SOD2: variants seen among roughly 807,000 people sequenced by gnomAD.
SOD2 encodes superoxide dismutase 2, also known as superoxide dismutase [Mn], mitochondrial.
A neutral mutation model predicts 27.0 loss-of-function variants in SOD2; 11 were observed. That is an observed-to-expected ratio of 0.41 (90% confidence interval 0.26 to 0.67). The LOEUF (loss-of-function observed/expected upper bound fraction) is 0.67. SOD2 is among the 30% of genes least tolerant of loss of function. The probability of loss-of-function intolerance (pLI) is 0.34; values close to 1 mark genes in which losing one functional copy is unlikely to be tolerated. For synonymous variants in SOD2, 105 were observed against 103.0 expected (o/e 1.02, Z -0.12); for missense variants, 250 against 274.5 (o/e 0.91, Z 0.63).
upstream of SOD2, chr6:159,727,694 G>A (rs1347076432): frequency 2.0e-6 from 2 of 984,412 alleles, no homozygotes; most frequent in Non-Finnish European, 2.4e-6. Context: ...CGCGGCTTCT[G>A]CCTGGAGAGG....
At chr6:159,752,422 A>C (rs1232518712) in intron 1 of SOD2, among the ~76,000 whole-genome samples, 2 of 152,230 alleles carry the variant, frequency 1.3e-5, no homozygotes, top group Non-Finnish European at 2.9e-5. Context: ...CTGAGGCTAA[A>C]GAAAAGCAGT....
chr6:159,702,850 GAAAAAAAAAAAA>G (rs35570449), intron 1 of SOD2, among the ~76,000 whole-genome samples: 1 of 30,674 alleles, frequency 3.3e-5, no homozygotes, highest in Middle Eastern at 0.033. Flanking sequence ...ACCCTATCTC[GAAAAAAAAAAAA>G]AAAAAAAAAA....
intron 1 of SOD2, chr6:159,755,170 T>C (rs150344610): frequency 7.4e-5 from 120 of 1,614,062 alleles, no homozygotes; most frequent in Non-Finnish European, 9.7e-5. Context: ...CTGCCCCAAG[T>C]ACCAGCAGGA....
rs5746125 is a variant in SOD2, at chr6:159,685,658, ACAGTTTT to A, written c.344-632_344-626del. 8.5e-3 allele frequency among the ~76,000 whole-genome samples: 1,181 copies of A among 138,538 alleles called. 14 individuals carry two copies. The highest frequency in any genetic ancestry group is 0.03 in the African/African-American group (1,086 of 36,526). The allele number at this position is 138,538 out of a possible 152,430, so 90.9% of individuals were successfully genotyped here. ...ACCCAGGTAGCGAGCTTAGTATACAACAGTTTTCACCCCCCGTCCCCTTCTTTCTCCC... is the reference window on the plus strand; with the variant it reads ...ACCCAGGTAGCGAGCTTAGTATACAACACCCCCCGTCCCCTTCTTTCTCCC... On this transcript the variant is annotated intron_variant, in intron 3 of 4. Transcript: ENST00000538183.
intron 2 of SOD2, 182 bp from the exon 3 acceptor site, chr6:159,688,424 C>G: frequency 1.8e-6 from 1 of 547,332 alleles, no homozygotes. Flanking sequence ...TGCTGAACAA[C>G]TGATGAAGGA....
chr6:159,708,666 A>C (rs1195010052), intron 1 of SOD2, among the ~76,000 whole-genome samples: 2 of 152,232 alleles, frequency 1.3e-5, no homozygotes, highest in Non-Finnish European at 2.9e-5. Context: ...GATGGGAAGA[A>C]TCAATATCGT....
intron 1 of SOD2, chr6:159,736,822 A>G (rs969191651): frequency 1.3e-5 from 2 of 152,256 alleles, no homozygotes; most frequent in Non-Finnish European, 2.9e-5. Context: ...AATTACTCTT[A>G]CATACACACA....
At chr6:159,688,447 G>A in intron 2 of SOD2, 1 of 485,960 alleles carries the variant, frequency 2.1e-6, no homozygotes, top group Non-Finnish European at 3.7e-6. Context: ...TAGCAGAGGT[G>A]GAAAAGCTAG....
chr6:159,681,429 G>C lies in SOD2; in HGVS notation c.*1064C>G, dbSNP rs753661149. ...ACGTCAGATAAGGGGGAACACCAGG[G>C]ACTAAACTCTGACCTCCATTCTTTG... On this transcript the variant is annotated 3_prime_UTR_variant, in exon 5 of 5. Transcript: ENST00000538183. 1 of 152,294 alleles carries C rather than the reference G, an allele frequency of 6.6e-6. No homozygotes were observed. Among genetic ancestry groups the C allele is most frequent in the Non-Finnish European group, 1.5e-5 (1 of 68,146 alleles). 9.4% of individuals were successfully genotyped at this position (152,294 alleles called of 1,614,324 possible). A position where few individuals can be genotyped will look rare whatever the true frequency, so the allele number is the denominator to read the frequency against.
upstream of SOD2, among the ~76,000 whole-genome samples, chr6:159,747,396 T>C (rs939499496): frequency 4.6e-5 from 7 of 152,212 alleles, no homozygotes; most frequent in Non-Finnish European, 8.8e-5. Context: ...AGTTGGGTTA[T>C]TTAATCTCAA....
chr6:159,721,059 TTATTTA>T (rs1293046848), intron 1 of SOD2, among the ~76,000 whole-genome samples: 68 of 150,524 alleles, frequency 4.5e-4, no homozygotes, highest in African/African-American at 1.6e-3. Flanking sequence ...TAATTTTTAT[TTATTTA>T]TATTTTTTAA....
intron 1 of SOD2, among the ~76,000 whole-genome samples, chr6:159,734,525 A>G (rs1452809110): frequency 2.6e-5 from 4 of 152,190 alleles, no homozygotes; most frequent in African/African-American, 9.7e-5. Flanking sequence ...AGAAATAATA[A>G]CTAGGGCTGG....
intron 1 of SOD2, among the ~76,000 whole-genome samples, chr6:159,724,912 GAGGGAGGGAAGA>G (rs368218254): frequency 9.7e-5 from 14 of 143,648 alleles, no homozygotes; most frequent in South Asian, 2.4e-4. Context: ...GGAAGAGAGG[GAGGGAGGGAAGA>G]AGGGAGGGAA....
upstream of SOD2, among the ~76,000 whole-genome samples, chr6:159,728,679 T>C (rs997636602): frequency 6.6e-6 from 1 of 152,254 alleles, no homozygotes; most frequent in Non-Finnish European, 1.5e-5. Context: ...AAAAATCTTT[T>C]CAAGATGGAT....
Position 159,674,235 on chromosome 6 carries a change from A to T in SOD2, c.*8258T>A, listed in dbSNP as rs1779729402. The T allele has an allele frequency of 6.6e-6, 1 of 152,236 alleles. No individual in the cohort carries two copies. Among genetic ancestry groups the T allele is most frequent in the Non-Finnish European group, 1.5e-5 (1 of 68,054 alleles). The allele number at this position is 152,236 out of a possible 1,614,324, so 9.4% of individuals were successfully genotyped here. ...AATAGAAAAAGAGGGAATCCTCCCT[A>T]ACTCATTTTATGAAGCCAGCATCAT... On this transcript the variant is annotated 3_prime_UTR_variant, in exon 5 of 5. Coordinates refer to ENST00000538183, the MANE Select transcript of SOD2 (RefSeq NM_000636.4).
chr6:159,697,293 C>A (rs1452337491), upstream of SOD2, among the ~76,000 whole-genome samples: 1 of 151,670 alleles, frequency 6.6e-6, no homozygotes, highest in African/African-American at 2.4e-5. Flanking sequence ...TTTTTTTCTG[C>A]TTTTTTAAAA....
chr6:159,692,668 C>G lies in SOD2; in HGVS notation c.219G>C (p.Leu73Phe). ...GCTCAGCCTGGAACCTACCCTTGGCCAACGCCTCCTGGTACTTCTCCTCGG... is the reference window on the plus strand; with the variant it reads ...GCTCAGCCTGGAACCTACCCTTGGCGAACGCCTCCTGGTACTTCTCCTCGG... Reference protein sequence around the residue: ...NVTEEKYQEALAKGDVTAQIA... With the variant: ...NVTEEKYQEAFAKGDVTAQIA... Residue 73 changes from leucine (L) to phenylalanine (F), a missense_variant, in exon 2 of 5, where the codon TTG (leucine) becomes TTC (phenylalanine). Physicochemically the swap from Leu to Phe is conservative, Grantham distance 22 (BLOSUM62 0). Transcript: ENST00000538183. 6.2e-7 allele frequency: 1 copy of G among 1,613,906 alleles called. No homozygotes were observed.
chr6:159,754,717 GAAA>G (rs374510963), intron 1 of SOD2, among the ~76,000 whole-genome samples: 4 of 151,828 alleles, frequency 2.6e-5, no homozygotes, highest in East Asian at 1.9e-4. Context: ...ATAATGACAA[GAAA>G]AAAAATCTGT....
At chr6:159,760,403 G>A (rs2025187) in intron 1 of SOD2, 31,984 of 152,040 alleles carry the variant, frequency 0.21, 3,511 homozygotes, top group East Asian at 0.4. Context: ...CCCAGTAGCT[G>A]GGATTACAGG....
Sources: allele counts gnomAD v4.1 joint callset (sites outside exome capture counted in the v4.1 genomes callset), GRCh38; gene constraint gnomAD v4.1.1; transcripts MANE v1.5; gene names NCBI Gene and HGNC (gene_info 2026-07-23, HGNC 2026-07-21).